Variants in MTREX observed in about 807,000 individuals in gnomAD.
MTREX encodes the protein exosome RNA helicase MTR4.
A neutral mutation model predicts 135.4 loss-of-function variants in MTREX; 76 were observed. That is an observed-to-expected ratio of 0.56 (90% confidence interval 0.47 to 0.68). The LOEUF (loss-of-function observed/expected upper bound fraction) is 0.68, where lower values mean the gene tolerates loss of function less well. Ranked by LOEUF, MTREX falls within the 30% of genes least tolerant of loss-of-function variation. The probability of loss-of-function intolerance (pLI) is 0.00; values close to 1 mark genes in which losing one functional copy is unlikely to be tolerated. For missense variants in MTREX, 920 were observed against 1,262.1 expected (o/e 0.73, Z 4.11); for synonymous variants, 404 against 401.6 (o/e 1.01, Z -0.07).
chr5:55,347,324 T>G (rs1233085405), intron 11 of MTREX, among the ~76,000 whole-genome samples, 180 bp downstream of exon 11: 1 of 152,244 alleles, frequency 6.6e-6, no homozygotes, highest in Non-Finnish European at 1.5e-5. Context: ...CTTCCCTTTC[T>G]TCTCCTTTTA....
intron 5 of MTREX, among the ~76,000 whole-genome samples, chr5:55,338,633 G>A (rs1749591421): frequency 1.3e-5 from 2 of 150,688 alleles, no homozygotes; most frequent in African/African-American, 4.9e-5. Context: ...AGATACCTGA[G>A]TGTCTCTTAT....
At chr5:55,392,993 G>A (rs985984895) in intron 19 of MTREX, among the ~76,000 whole-genome samples, 2 of 152,082 alleles carry the variant, frequency 1.3e-5, no homozygotes, top group South Asian at 2.1e-4. Flanking sequence ...GGAGTCTTCC[G>A]GGGAACCACC....
intron 14 of MTREX, among the ~76,000 whole-genome samples, chr5:55,354,939 G>A (rs980016531): frequency 8.5e-5 from 13 of 152,170 alleles, no homozygotes; most frequent in African/African-American, 2.7e-4. Flanking sequence ...GAGACTCATC[G>A]GGGTCCAGAC....
intron 19 of MTREX, among the ~76,000 whole-genome samples, chr5:55,395,331 G>A (rs776053964): frequency 1.5e-4 from 22 of 151,574 alleles, no homozygotes; most frequent in Non-Finnish European, 2.7e-4. Flanking sequence ...GCTTGAACCC[G>A]GGAGGTAGAG....
intron 18 of MTREX, among the ~76,000 whole-genome samples, chr5:55,384,023 G>A (rs1036692453): frequency 1.3e-5 from 2 of 152,148 alleles, no homozygotes; most frequent in African/African-American, 4.8e-5. Context: ...CTCCCGCCTT[G>A]GTCTCTCAAA....
intron 17 of MTREX, among the ~76,000 whole-genome samples, chr5:55,378,880 C>G (rs1302088276): frequency 1.3e-5 from 2 of 152,144 alleles, no homozygotes; most frequent in African/African-American, 4.8e-5. Flanking sequence ...TCATTTTCAG[C>G]ATTCATTTGC....
chr5:55,333,535 G>C (rs1275748656), intron 5 of MTREX, among the ~76,000 whole-genome samples: 1 of 152,116 alleles, frequency 6.6e-6, no homozygotes, highest in East Asian at 1.9e-4. Flanking sequence ...CAAGAGGAGA[G>C]ATTTTTCTGT....
At chr5:55,329,616 C>G (rs1332886928) in intron 5 of MTREX, among the ~76,000 whole-genome samples, 9 of 152,160 alleles carry the variant, frequency 5.9e-5, no homozygotes, top group Non-Finnish European at 2.9e-5. Flanking sequence ...ATGAGAAAAT[C>G]TTAACTTTTG....
intron 1 of MTREX, among the ~76,000 whole-genome samples, chr5:55,315,952 A>G (rs1372397982): frequency 1.3e-5 from 2 of 152,132 alleles, no homozygotes; most frequent in Non-Finnish European, 2.9e-5. Flanking sequence ...TACAACGGAA[A>G]TGTTACTACT....
intron 14 of MTREX, among the ~76,000 whole-genome samples, chr5:55,355,471 C>T (rs2112074520): frequency 6.6e-6 from 1 of 152,254 alleles, no homozygotes; most frequent in Middle Eastern, 3.4e-3. Flanking sequence ...ATGGAATGGA[C>T]ATCCAAGGGG....
rs1241714712 is a variant in MTREX at position 55,389,403 on chromosome 5, T to C, written c.2181+1301T>C. ...TCCAAGAAAATTATATAGGCAGTCA[T>C]GAAACCAAGGCAAACTGAGGGCCTT... On this transcript the variant is annotated intron_variant, in intron 19 of 26. Transcript: ENST00000230640. Among the ~76,000 whole-genome samples the C allele has an allele frequency of 3.9e-5, 6 of 152,288 alleles. No individual in the cohort carries two copies. The East Asian group carries it at 1.2e-3, about 29-fold the overall frequency.
At chr5:55,394,259 G>A (rs989108479) in intron 19 of MTREX, among the ~76,000 whole-genome samples, 4 of 152,112 alleles carry the variant, frequency 2.6e-5, no homozygotes, top group South Asian at 2.1e-4. Flanking sequence ...TCTGGATGTC[G>A]GCTATGTGGT....
At chr5:55,328,128 T>A (rs1749413279) in intron 4 of MTREX, among the ~76,000 whole-genome samples, 1 of 152,194 alleles carries the variant, frequency 6.6e-6, no homozygotes, top group Non-Finnish European at 1.5e-5. Flanking sequence ...TGTGCTTTTT[T>A]TAGACGGATT....
intron 5 of MTREX, among the ~76,000 whole-genome samples, chr5:55,330,582 T>C (rs1176776856): frequency 6.6e-6 from 1 of 150,828 alleles, no homozygotes; most frequent in Non-Finnish European, 1.5e-5. Context: ...TACTTCCTGG[T>C]CTCTTTGATG....
At chr5:55,410,734 G>A in intron 23 of MTREX, 105 bp downstream of exon 23, 7 of 533,086 alleles carry the variant, frequency 1.3e-5, no homozygotes, top group South Asian at 5.3e-5. Context: ...CATATTATAA[G>A]GTAATGTTAA....
chr5:55,319,917 T>C (rs1333637943), intron 1 of MTREX, among the ~76,000 whole-genome samples: 1 of 152,218 alleles, frequency 6.6e-6, no homozygotes, highest in Non-Finnish European at 1.5e-5. Context: ...GTTTTAAATA[T>C]AGTGGCTTAG....
intron 13 of MTREX, among the ~76,000 whole-genome samples, chr5:55,352,020 GT>G (rs140456441): frequency 2.1e-4 from 27 of 131,500 alleles, no homozygotes; most frequent in African/African-American, 7.5e-4. Flanking sequence ...TTTTGTTTTT[GT>G]TTTTGTTTTG....
intron 1 of MTREX, among the ~76,000 whole-genome samples, chr5:55,314,368 T>A (rs1002982655): frequency 2.0e-5 from 3 of 152,238 alleles, no homozygotes; most frequent in African/African-American, 7.2e-5. Flanking sequence ...TTCATGCTGC[T>A]AATCAGTTGA....
chr5:55,349,956 G>C (rs1392349360), intron 12 of MTREX, among the ~76,000 whole-genome samples: 1 of 152,106 alleles, frequency 6.6e-6, no homozygotes, highest in Non-Finnish European at 1.5e-5. Flanking sequence ...AATCCAGAAG[G>C]CTACCACATA....
Sources: gnomAD v4.1 joint callset for allele counts (sites outside exome capture counted in the v4.1 genomes callset) on GRCh38, gnomAD v4.1.1 for gene constraint, MANE v1.5 for transcripts, NCBI Gene and HGNC (gene_info 2026-07-23, HGNC 2026-07-21) for gene names.